THSD7B: variants seen among roughly 807,000 people sequenced by gnomAD.
THSD7B encodes thrombospondin type 1 domain containing 7B.
THSD7B carries 138 observed loss-of-function variants against 213.6 expected under a neutral mutation model. The ratio of observed to expected loss-of-function variants is 0.65; its 90% CI spans 0.56 to 0.74. THSD7B has a LOEUF of 0.74. Among genes scored for constraint, THSD7B ranks in the 30% least tolerant of loss-of-function variants. THSD7B has a pLI of 0.00. For synonymous variants in THSD7B, 742 were observed against 687.0 expected (o/e 1.08, Z -1.25); for missense variants, 1,931 against 1,991.5 (o/e 0.97, Z 0.58).
chr2:137,055,479 G>A (rs182746732), intron 2 of THSD7B, among the ~76,000 whole-genome samples: 1 of 152,256 alleles, frequency 6.6e-6, no homozygotes, highest in Non-Finnish European at 1.5e-5. Flanking sequence ...GACACAAAAT[G>A]TGATTACTTA....
chr2:137,082,199 A>C (rs77846701), intron 3 of THSD7B, among the ~76,000 whole-genome samples: 2 of 152,004 alleles, frequency 1.3e-5, no homozygotes, highest in African/African-American at 4.8e-5. Flanking sequence ...TTTTCATGGA[A>C]TCTTTTAGGA....
intron 1 of THSD7B, among the ~76,000 whole-genome samples, chr2:136,810,871 C>A (rs1407834807): frequency 2.0e-5 from 3 of 152,164 alleles, no homozygotes; most frequent in Admixed American, 6.5e-5. Flanking sequence ...GTGCTCCTGG[C>A]ATGGATTCTT....
chr2:137,347,779 A>G (rs1407205771), intron 12 of THSD7B, among the ~76,000 whole-genome samples: 2 of 151,548 alleles, frequency 1.3e-5, no homozygotes, highest in Non-Finnish European at 3.0e-5. Flanking sequence ...TGCTTAGGAT[A>G]TAAACTTATA....
chr2:137,657,190 T>G, intron 24 of THSD7B, 30 bp downstream of exon 24: 3 of 1,598,692 alleles, frequency 1.9e-6, no homozygotes, highest in Non-Finnish European at 2.6e-6. Context: ...ATGTGGGCAC[T>G]TCACAAACAC....
chr2:137,211,350 A>ACACACAGAGG (rs1553479501), intron 7 of THSD7B, among the ~76,000 whole-genome samples: 2 of 138,878 alleles, frequency 1.4e-5, no homozygotes, highest in Admixed American at 7.4e-5. Context: ...ACACACACAC[A>ACACACAGAGG]CACACACACA....
chr2:137,081,209 T>G (rs1687741336), intron 3 of THSD7B, among the ~76,000 whole-genome samples: 1 of 152,276 alleles, frequency 6.6e-6, no homozygotes, highest in Non-Finnish European at 1.5e-5. Flanking sequence ...TCAGGGGATA[T>G]AGTAGTTCGT....
intron 2 of THSD7B, among the ~76,000 whole-genome samples, chr2:136,960,241 C>A (rs958440914): frequency 1.3e-5 from 2 of 152,170 alleles, no homozygotes; most frequent in East Asian, 3.8e-4. Context: ...GATCCCCGCA[C>A]CACAACCTCC....
intron 3 of THSD7B, among the ~76,000 whole-genome samples, chr2:137,084,934 A>G (rs1481682826): frequency 6.6e-6 from 1 of 152,206 alleles, no homozygotes; most frequent in Non-Finnish European, 1.5e-5. Context: ...AATGTGTTCA[A>G]TGGTCCTAAA....
At chr2:137,173,803 A>C (rs545085148) in intron 7 of THSD7B, among the ~76,000 whole-genome samples, 1 of 152,256 alleles carries the variant, frequency 6.6e-6, no homozygotes, top group African/African-American at 2.4e-5. Flanking sequence ...TGATGATAGA[A>C]GTTTGGCAGA....
At chr2:137,528,757 A>T (rs1680326251) in intron 15 of THSD7B, among the ~76,000 whole-genome samples, 1 of 152,090 alleles carries the variant, frequency 6.6e-6, no homozygotes, top group African/African-American at 2.4e-5. Context: ...AGATGTTGAA[A>T]ATAAAAATTC....
At chr2:137,093,493 G>A (rs6430677) in intron 3 of THSD7B, among the ~76,000 whole-genome samples, 3,321 of 152,272 alleles carry the variant, frequency 0.022, 119 homozygotes, top group African/African-American at 0.075. Flanking sequence ...TGGCTCCTGT[G>A]AGCAGGTAGA....
intron 2 of THSD7B, among the ~76,000 whole-genome samples, chr2:136,895,462 AT>A (rs1683940349): frequency 7.2e-6 from 1 of 138,450 alleles, no homozygotes; most frequent in Non-Finnish European, 1.5e-5. Flanking sequence ...ATGGGTTACC[AT>A]TTTGGGTGGT....
At chr2:137,150,393 G>T (rs903268140) in intron 5 of THSD7B, among the ~76,000 whole-genome samples, 2 of 152,126 alleles carry the variant, frequency 1.3e-5, no homozygotes, top group African/African-American at 4.8e-5. Context: ...TTGTGGGAGG[G>T]GCTCAGTGGG....
chr2:137,083,780 A>G (rs1199602647), intron 3 of THSD7B, among the ~76,000 whole-genome samples: 3 of 152,128 alleles, frequency 2.0e-5, no homozygotes, highest in Non-Finnish European at 2.9e-5. Flanking sequence ...TAAGCTATAG[A>G]AGCAACTGTT....
At chr2:137,354,498 G>A (rs1451646514) in intron 12 of THSD7B, among the ~76,000 whole-genome samples, 3 of 151,956 alleles carry the variant, frequency 2.0e-5, no homozygotes, top group East Asian at 1.9e-4. Context: ...CATTCCCTAA[G>A]CAACATTAAA....
intron 5 of THSD7B, among the ~76,000 whole-genome samples, chr2:137,130,445 G>A (rs984844225): frequency 6.6e-6 from 1 of 151,658 alleles, no homozygotes; most frequent in African/African-American, 2.4e-5. Context: ...AGTTACATAT[G>A]TATACATGTG....
intron 12 of THSD7B, among the ~76,000 whole-genome samples, chr2:137,398,833 C>T (rs541796106): frequency 1.8e-4 from 28 of 152,314 alleles, no homozygotes; most frequent in African/African-American, 5.5e-4. Context: ...GGGCGTAGGA[C>T]CCTCCAAGCC....
At chr2:137,081,715 G>T (rs1412061650) in intron 3 of THSD7B, among the ~76,000 whole-genome samples, 1 of 152,070 alleles carries the variant, frequency 6.6e-6, no homozygotes, top group Non-Finnish European at 1.5e-5. Flanking sequence ...AGGAGACTTT[G>T]TTAGTAGAAA....
chr2:137,377,654 C>A (rs1003999827), intron 12 of THSD7B, among the ~76,000 whole-genome samples: 2 of 150,538 alleles, frequency 1.3e-5, no homozygotes, highest in Non-Finnish European at 3.0e-5. Context: ...TGAGCTGGAG[C>A]CTCCTTCTGT....
Sources: gnomAD v4.1 joint callset for allele counts (sites outside exome capture counted in the v4.1 genomes callset) on GRCh38, gnomAD v4.1.1 for gene constraint, MANE v1.5 for transcripts, NCBI Gene and HGNC (gene_info 2026-07-23, HGNC 2026-07-21) for gene names.